TRPM6: variants seen among roughly 807,000 people sequenced by gnomAD.
TRPM6 encodes transient receptor potential cation channel subfamily M member 6.
In TRPM6, 111 loss-of-function variants were observed where a neutral mutation model predicts 247.6. The observed-to-expected ratio is 0.45, with a 90% CI of 0.38 to 0.52. TRPM6 has a LOEUF of 0.52. TRPM6 is among the 20% of genes least tolerant of loss of function. The probability of loss-of-function intolerance (pLI) is 0.00; values close to 1 mark genes in which losing one functional copy is unlikely to be tolerated. For synonymous variants in TRPM6, 892 were observed against 853.8 expected (o/e 1.04, Z -0.78); for missense variants, 2,126 against 2,421.5 (o/e 0.88, Z 2.56).
Position 74,803,891 on chromosome 9 carries a change from GA to G in TRPM6, c.1639-6del. ...TCCTGAGGAGTGTCTCTGGTGCTGG[GA>G]AAGGTTTTGAACAAAGCTGGTCACT... On this transcript the variant is annotated splice_polypyrimidine_tract_variant and splice_region_variant and intron_variant, in intron 14 of 38. Coordinates refer to ENST00000360774, the MANE Select transcript of TRPM6 (RefSeq NM_017662.5). The G allele has an allele frequency of 6.3e-7, 1 of 1,597,370 alleles. No homozygotes were observed. Among genetic ancestry groups the G allele is most frequent in the Non-Finnish European group, 8.6e-7 (1 of 1,164,958 alleles).
chr9:74,728,455 G>A (rs1012583170), intron 37 of TRPM6, 110 bp from the exon 38 acceptor site: 6 of 788,806 alleles, frequency 7.6e-6, no homozygotes, highest in East Asian at 2.6e-5. Flanking sequence ...AAACTTGAAG[G>A]AGCCAACAAA....
Position 74,812,434 on chromosome 9 carries a change from C to T in TRPM6, c.1309-1G>A. Reference sequence around the variant, plus strand: ...ACATTGCTTGTTCCAGGGCATCAGGCTTCAGAAAGCACAAATAAGAAATAT... The same window carrying T: ...ACATTGCTTGTTCCAGGGCATCAGGTTTCAGAAAGCACAAATAAGAAATAT... On this transcript the variant is annotated splice_acceptor_variant, in intron 11 of 38. Coordinates refer to ENST00000360774, the MANE Select transcript of TRPM6 (RefSeq NM_017662.5). LOFTEE classifies it high-confidence loss of function. 6.2e-7 allele frequency: 1 copy of T among 1,613,716 alleles called. No individual in the cohort carries two copies.
In TRPM6 at chr9:74,840,201, G is replaced by C. The variant is rs375342788; in HGVS notation, c.367C>G (p.Leu123Val). The C allele has an allele frequency of 7.4e-6, 12 of 1,613,896 alleles. No individual in the cohort carries two copies. The African/African-American group carries it at 1.6e-4, about 22-fold the overall frequency. Residue 123 changes from leucine to valine, a missense_variant, in exon 5 of 39, where the codon CTG (leucine) becomes GTG (valine). Around this residue, in one of 3 missense-constraint regions of TRPM6, gnomAD observed 1,082 missense variants for 1,307.9 expected, o/e 0.83. Coordinates refer to ENST00000360774, the MANE Select transcript of TRPM6 (RefSeq NM_017662.5). Reference protein sequence around the residue: ...RTSYDTKLDHLLHLMLKEWKM... With the variant: ...RTSYDTKLDHVLHLMLKEWKM... ...CACTCTTTCAACATTAAATGTAACA[G>C]ATGATCCAGTTTTGTATCATAAGAA...
intron 9 of TRPM6, among the ~76,000 whole-genome samples, chr9:74,817,654 G>A (rs1285717360): frequency 1.3e-5 from 2 of 152,086 alleles, no homozygotes; most frequent in Non-Finnish European, 2.9e-5. Flanking sequence ...TCACCTATGG[G>A]CCCTTGAGGC....
intron 2 of TRPM6, among the ~76,000 whole-genome samples, chr9:74,857,026 A>C (rs993218361): frequency 3.9e-5 from 6 of 152,112 alleles, no homozygotes; most frequent in Admixed American, 3.9e-4. Context: ...TAATTTCATC[A>C]CTTTTTTTTT....
intron 6 of TRPM6, among the ~76,000 whole-genome samples, chr9:74,833,238 G>A (rs1355838172): frequency 2.0e-5 from 3 of 152,048 alleles, no homozygotes; most frequent in Non-Finnish European, 4.4e-5. Flanking sequence ...ATTCTGAAAT[G>A]ATCCTGACAG....
At chr9:74,790,837 T>A (rs1003389155) in intron 19 of TRPM6, among the ~76,000 whole-genome samples, 1 of 152,216 alleles carries the variant, frequency 6.6e-6, no homozygotes, top group Non-Finnish European at 1.5e-5. Flanking sequence ...TTCCTCTACT[T>A]GAGAACAGGT....
intron 8 of TRPM6, 145 bp from the exon 9 acceptor site, chr9:74,820,572 A>G: frequency 2.0e-6 from 2 of 997,070 alleles, no homozygotes; most frequent in Non-Finnish European, 3.0e-6. Flanking sequence ...GGGGGAGCAA[A>G]CGGAAGCAGG....
intron 21 of TRPM6, 23 bp from the exon 22 acceptor site, chr9:74,782,876 C>A (rs1236440785): frequency 6.2e-7 from 1 of 1,611,708 alleles, no homozygotes; most frequent in Admixed American, 1.7e-5. Context: ...ATAGTACAAC[C>A]AGAATTTTAC....
At position 74,762,760 on chromosome 9, in the gene TRPM6, G is replaced by A; in HGVS notation, c.3911C>T (p.Thr1304Ile). The A allele has an allele frequency of 1.2e-6, 2 of 1,614,054 alleles. No homozygotes were observed. Among genetic ancestry groups the A allele is most frequent in the African/African-American group, 1.3e-5 (1 of 75,000 alleles). Residue 1304 changes from threonine (T) to isoleucine (I), a missense_variant, in exon 26 of 39, where the codon ACA (threonine) becomes ATA (isoleucine). By Grantham distance (89) the Thr-to-Ile change is moderately conservative (BLOSUM62 -1). Transcript: ENST00000360774. ...RVQRGALLEITNSKREATNVR... is the reference protein window; with the variant it reads ...RVQRGALLEIINSKREATNVR... ...ATTTGTAGCCTCTCTTTTACTGTTT[G>A]TAATCTCAAGAAGTGCCCCCCTCTG...
At position 74,771,744 on chromosome 9, in the gene TRPM6, C is replaced by T. The variant is rs751449304; in HGVS notation, c.3495G>A (p.Val1165=). ...GGATTCGTTCCTCACAACTACAATT[C>T]ACATCTTCCATCTTCTCATGGAAGT... ...EKYFHEKMED[V]NCSCEERIRV... is the part of the protein sequence containing the mutation. The change falls in exon 25 of 39, where the codon GTG becomes GTA. Residue 1165 remains valine, a synonymous_variant. Transcript: ENST00000360774. 71 of 1,613,810 alleles carry T rather than the reference C, an allele frequency of 4.4e-5. 1 individual carries two copies. The South Asian group carries it at 7.4e-4, about 17-fold the overall frequency.
At chr9:74,872,963 T>G (rs1369477107) in intron 1 of TRPM6, among the ~76,000 whole-genome samples, 1 of 152,174 alleles carries the variant, frequency 6.6e-6, no homozygotes, top group African/African-American at 2.4e-5. Flanking sequence ...CAAGTCATTA[T>G]CACATAAAAC....
intron 6 of TRPM6, among the ~76,000 whole-genome samples, chr9:74,830,210 A>G (rs373246029): frequency 2.7e-4 from 41 of 152,286 alleles, no homozygotes; most frequent in African/African-American, 9.4e-4. Flanking sequence ...AACCAGATGA[A>G]GAGATGTTGA....
chr9:74,735,554 A>G (rs569281098), intron 36 of TRPM6, among the ~76,000 whole-genome samples: 8 of 152,290 alleles, frequency 5.3e-5, no homozygotes, highest in African/African-American at 1.7e-4. Flanking sequence ...GCTTTGTTGA[A>G]TAAAAAAATT....
chr9:74,787,372 T>C (rs1827723247), intron 20 of TRPM6, among the ~76,000 whole-genome samples: 1 of 151,702 alleles, frequency 6.6e-6, no homozygotes, highest in South Asian at 2.1e-4. Context: ...AATGTGATAT[T>C]GGAACTCACT....
At chr9:74,770,961 C>A (rs879454884) in intron 25 of TRPM6, among the ~76,000 whole-genome samples, 1 of 152,204 alleles carries the variant, frequency 6.6e-6, no homozygotes, top group African/African-American at 2.4e-5. Flanking sequence ...TGTCTTCACC[C>A]ACTTCAGTGA....
chr9:74,745,969 G>C (rs185345217), intron 31 of TRPM6, among the ~76,000 whole-genome samples: 24 of 152,144 alleles, frequency 1.6e-4, no homozygotes, highest in Admixed American at 1.2e-3. Flanking sequence ...ATGGCCAGGC[G>C]CGGGGGCCCA....
intron 20 of TRPM6, among the ~76,000 whole-genome samples, chr9:74,788,020 CT>C (rs1391132364): frequency 2.4e-4 from 36 of 148,078 alleles, no homozygotes; most frequent in Admixed American, 2.7e-4. Flanking sequence ...TGGCCCCCTC[CT>C]TTTTTTTTTA....
intron 1 of TRPM6, among the ~76,000 whole-genome samples, chr9:74,867,245 G>A (rs1013180458): frequency 2.6e-5 from 4 of 152,158 alleles, no homozygotes; most frequent in South Asian, 2.1e-4. Flanking sequence ...GTACACTCAT[G>A]AGAAAATATG....
Sources: gnomAD v4.1 joint callset for allele counts (sites outside exome capture counted in the v4.1 genomes callset) on GRCh38, gnomAD v4.1.1 for gene constraint, gnomAD v4.1.1 regional missense constraint, MANE v1.5 for transcripts, NCBI Gene and HGNC (gene_info 2026-07-23, HGNC 2026-07-21) for gene names.